Variants in NBPF20 observed in about 807,000 individuals in gnomAD.
NBPF20 encodes the protein NBPF member 20.
NBPF20 carries 90 observed loss-of-function variants against 68.1 expected under a neutral mutation model. The observed-to-expected ratio is 1.32, with a 90% confidence interval of 1.11 to 1.58. NBPF20 has a LOEUF of 1.58. Among genes scored for constraint, NBPF20 ranks in the 40% most tolerant of loss-of-function variants. The pLI is 0.00. For missense variants in NBPF20, 816 were observed against 601.2 expected, an observed-to-expected ratio of 1.36 and a Z score of -3.74; for synonymous variants, 290 against 228.1, an observed-to-expected ratio of 1.27 and a Z score of -2.45.
intron 6 of NBPF20, among the ~76,000 whole-genome samples, chr1:145,400,188 T>G (rs1286332712): frequency 6.6e-6 from 1 of 152,170 alleles, no homozygotes; most frequent in Non-Finnish European, 1.5e-5. Flanking sequence ...CACACTTGCC[T>G]GGGGTTGAGT....
intron 5 of NBPF20, 67 bp from the exon 11 acceptor site, chr1:145,400,661 CTAGCTGGTT>C: frequency 6.4e-7 from 1 of 1,561,612 alleles, no homozygotes; most frequent in South Asian, 1.1e-5. Flanking sequence ...CCAGGGAGTC[CTAGCTGGTT>C]TTGACAGGCG....
exon 10 of NBPF20, chr1:145,393,146 A>C: frequency 1.5e-6 from 1 of 663,278 alleles, no homozygotes; most frequent in Non-Finnish European, 2.6e-6. Flanking sequence ...GGCTGGCATG[A>C]GTCAGTCAGT....
At chr1:145,393,965 C>A (rs1351220829) in intron 8 of NBPF20, 30 bp from the exon 14 acceptor site, 3 of 1,156,966 alleles carry the variant, frequency 2.6e-6, no homozygotes, top group East Asian at 2.3e-5. Context: ...GGCCCTCTTA[C>A]ATTAAGCAGT....
At chr1:145,292,292 A>C (rs1473302051) in intron 137 of NBPF20, 89 bp downstream of exon 142, 2 of 611,268 alleles carry the variant, frequency 3.3e-6, no homozygotes, top group Non-Finnish European at 5.8e-6. Context: ...TTCGTTGAAA[A>C]CATGACATCA....
At chr1:145,402,631 A>G (rs1366921459) in intron 3 of NBPF20, among the ~76,000 whole-genome samples, 1 of 151,548 alleles carries the variant, frequency 6.6e-6, no homozygotes, top group Non-Finnish European at 1.5e-5. Context: ...AAACAAAAGT[A>G]GGTGTCTTCC....
chr1:145,393,638 G>C (rs1371231670), intron 9 of NBPF20: 3 of 951,736 alleles, frequency 3.2e-6, no homozygotes, highest in African/African-American at 3.3e-5. Flanking sequence ...AAGTTTCCCT[G>C]CAGTTACCAT....
At chr1:145,406,174 A>T (rs1662776483), upstream of NBPF20, among the ~76,000 whole-genome samples, 1 of 142,672 alleles carries the variant, frequency 7.0e-6, no homozygotes, top group Admixed American at 7.4e-5. Context: ...TGACCTCGTG[A>T]TCTGCCGCCT....
upstream of NBPF20, chr1:145,405,722 T>C (rs1662746925): frequency 2.0e-6 from 1 of 503,564 alleles, no homozygotes; most frequent in East Asian, 3.4e-5. Context: ...CTCTCAGTAT[T>C]CGTGTACCCT....
chr1:145,291,662 T>C (rs782318885), exon 138 of NBPF20: 1 of 1,611,974 alleles, frequency 6.2e-7, no homozygotes. Flanking sequence ...TCTGTAGTGC[T>C]GGAATGAGTC....
the NBPF20 span, among the ~76,000 whole-genome samples, chr1:145,421,852 G>A: frequency 6.6e-6 from 1 of 152,148 alleles, no homozygotes; most frequent in South Asian, 2.1e-4. Context: ...ACCAGTCTGG[G>A]CACTACAGGA....
chr1:145,409,678 G>GAT (rs2101606678), upstream of NBPF20, among the ~76,000 whole-genome samples: 1 of 150,952 alleles, frequency 6.6e-6, no homozygotes, highest in South Asian at 2.1e-4. Flanking sequence ...CAGGAGACAA[G>GAT]ATAAGGGCCC....
At chr1:145,402,936 T>G (rs1233171041) in intron 3 of NBPF20, among the ~76,000 whole-genome samples, 4 of 151,644 alleles carry the variant, frequency 2.6e-5, no homozygotes, top group African/African-American at 7.3e-5. Context: ...AATGCTGCTG[T>G]GTGGTTCACA....
chr1:145,394,923 G>A (rs1358599348), intron 8 of NBPF20, 55 bp downstream of exon 13: 5 of 1,603,494 alleles, frequency 3.1e-6, no homozygotes, highest in Non-Finnish European at 4.3e-6. Context: ...AAAGATTATG[G>A]GGTCTACCTG....
exon 4 of NBPF20, chr1:145,402,209 C>T: frequency 6.3e-7 from 1 of 1,595,418 alleles, no homozygotes; most frequent in Non-Finnish European, 8.6e-7. Context: ...AGTCTACACC[C>T]CTCAGCCAGC....
the NBPF20 span, among the ~76,000 whole-genome samples, chr1:145,424,800 T>A: frequency 3.9e-5 from 6 of 152,246 alleles, no homozygotes; most frequent in East Asian, 5.8e-4. Flanking sequence ...GCGGTGAATT[T>A]GAGGCTTGTC....
At chr1:145,292,595 G>A (rs587595112) in intron 136 of NBPF20, 106 bp from the exon 142 acceptor site, 4 of 747,102 alleles carry the variant, frequency 5.4e-6, no homozygotes, top group South Asian at 1.4e-5. Context: ...CCCAGCATAA[G>A]AATAGGACAC....
At chr1:145,377,708 G>C (rs1253623820) in intron 29 of NBPF20, among the ~76,000 whole-genome samples, 19 of 122,216 alleles carry the variant, frequency 1.6e-4, no homozygotes, top group Admixed American at 5.8e-4. Flanking sequence ...TGATGAAGGG[G>C]TCAAAGGACA....
At chr1:145,410,779 TACACAC>T in the NBPF20 span, among the ~76,000 whole-genome samples, 1 of 128,788 alleles carries the variant, frequency 7.8e-6, no homozygotes, top group African/African-American at 3.0e-5. Context: ...TATATATATA[TACACAC>T]ACATATATAT....
chr1:145,404,564 C>T (rs1395193024), intron 2 of NBPF20, among the ~76,000 whole-genome samples: 2 of 152,128 alleles, frequency 1.3e-5, no homozygotes, highest in African/African-American at 4.8e-5. Flanking sequence ...GCCCCTACTC[C>T]CTGCTCTTGA....
Sources: gnomAD v4.1 joint callset for allele counts (sites outside exome capture counted in the v4.1 genomes callset) on GRCh38, gnomAD v4.1.1 for gene constraint, MANE v1.5 for transcripts, NCBI Gene and HGNC (gene_info 2026-07-23, HGNC 2026-07-21) for gene names.